Variants in CCSER1 observed in about 807,000 individuals in gnomAD.
The protein encoded by CCSER1 is serine-rich coiled-coil domain-containing protein 1.
In CCSER1, 41 loss-of-function variants were observed where a neutral mutation model predicts 82.0. That is an observed-to-expected ratio of 0.50 (90% CI 0.39 to 0.65). The LOEUF (loss-of-function observed/expected upper bound fraction) is 0.65. CCSER1 is among the 30% of genes least tolerant of loss of function. The probability of loss-of-function intolerance (pLI) is 0.00; values close to 1 mark genes in which losing one functional copy is unlikely to be tolerated. For synonymous variants in CCSER1, 414 were observed against 383.9 expected (o/e 1.08, Z -0.92); for missense variants, 1,119 against 1,064.2 (o/e 1.05, Z -0.72).
chr4:91,270,858 T>G (rs770076030), intron 10 of CCSER1, among the ~76,000 whole-genome samples: 3 of 152,164 alleles, frequency 2.0e-5, no homozygotes, highest in Admixed American at 6.5e-5. Context: ...GCATTTTAAA[T>G]AAGTACATGG....
intron 10 of CCSER1, among the ~76,000 whole-genome samples, chr4:91,256,990 A>G (rs1740742250): frequency 6.6e-6 from 1 of 152,114 alleles, no homozygotes; most frequent in African/African-American, 2.4e-5. Flanking sequence ...AAAGCCTAGA[A>G]ATTATTCTGT....
chr4:91,003,465 C>T lies in CCSER1; in HGVS notation c.2172+80018C>T, dbSNP rs1581309773. Reference sequence around the variant, plus strand: ...AATTATGTTCCTAGGAGGATTATGCCTGCCTCTACTGTGTCATGAAGGTTG... The same window carrying T: ...AATTATGTTCCTAGGAGGATTATGCTTGCCTCTACTGTGTCATGAAGGTTG... On this transcript the variant is annotated intron_variant, in intron 9 of 10. Coordinates refer to ENST00000509176, the MANE Select transcript of CCSER1 (RefSeq NM_001145065.2). Among the ~76,000 whole-genome samples, 3 of 152,194 alleles carry T rather than the reference C, an allele frequency of 2.0e-5. No individual in the cohort carries two copies. In the South Asian group the frequency reaches 6.2e-4, roughly 32 times the overall value.
chr4:91,325,469 G>A (rs1225947727), intron 10 of CCSER1, among the ~76,000 whole-genome samples: 1 of 152,108 alleles, frequency 6.6e-6, no homozygotes, highest in Non-Finnish European at 1.5e-5. Context: ...AGAAGGAAGG[G>A]AGAATGGGTA....
intron 5 of CCSER1, among the ~76,000 whole-genome samples, chr4:90,494,042 T>A (rs1228540087): frequency 6.6e-6 from 1 of 152,088 alleles, no homozygotes; most frequent in African/African-American, 2.4e-5. Context: ...GAGACACACA[T>A]AGGCTCAAAA....
intron 3 of CCSER1, among the ~76,000 whole-genome samples, chr4:90,326,268 G>A (rs890872018): frequency 5.9e-5 from 9 of 151,918 alleles, no homozygotes; most frequent in South Asian, 4.1e-4. Flanking sequence ...CACTGTGTTA[G>A]CCAAGGTGGT....
At chr4:90,375,981 G>A (rs746474857) in intron 3 of CCSER1, among the ~76,000 whole-genome samples, 16 of 152,194 alleles carry the variant, frequency 1.1e-4, no homozygotes, top group Non-Finnish European at 1.8e-4. Context: ...AGGAAAAACA[G>A]TTGTAAAAAC....
chr4:91,229,882 C>T (rs1439196934), intron 10 of CCSER1, among the ~76,000 whole-genome samples: 3 of 151,992 alleles, frequency 2.0e-5, no homozygotes, highest in Non-Finnish European at 4.4e-5. Flanking sequence ...ATACCTAATG[C>T]ACACAGGGCT....
chr4:91,526,846 G>A lies in CCSER1; in HGVS notation c.2218-71726G>A, dbSNP rs187016327. Among the ~76,000 whole-genome samples, 224 of 152,066 alleles carry A rather than the reference G, an allele frequency of 1.5e-3. 1 individual carries two copies. Among genetic ancestry groups the A allele is most frequent in the African/African-American group, 4.9e-3 (204 of 41,452 alleles). On this transcript the variant is annotated intron_variant, in intron 10 of 10. Transcript: ENST00000509176. ...GATGTCAGGTGATCCACCTGCCTTCGCCTCCCAAAGTGCTGAGATTATAGG... is the reference window on the plus strand; with the variant it reads ...GATGTCAGGTGATCCACCTGCCTTCACCTCCCAAAGTGCTGAGATTATAGG...
intron 4 of CCSER1, among the ~76,000 whole-genome samples, chr4:90,429,241 G>A (rs1230504313): frequency 6.6e-6 from 1 of 151,716 alleles, no homozygotes; most frequent in Non-Finnish European, 1.5e-5. Flanking sequence ...CAAATGTGAA[G>A]TATTGATGAA....
chr4:90,855,019 G>A (rs1170205129), intron 8 of CCSER1, among the ~76,000 whole-genome samples: 5 of 151,936 alleles, frequency 3.3e-5, no homozygotes, highest in South Asian at 2.1e-4. Flanking sequence ...GAGCAAAGGG[G>A]GAAGTGCTAC....
intron 10 of CCSER1, among the ~76,000 whole-genome samples, chr4:91,175,942 G>A (rs9992156): frequency 0.71 from 108,189 of 152,114 alleles, 38,940 homozygotes; most frequent in Non-Finnish European, 0.78. Flanking sequence ...TTACTTCTGG[G>A]GTTTTTATGG....
At chr4:90,234,851 A>G (rs1745468232) in intron 1 of CCSER1, among the ~76,000 whole-genome samples, 1 of 152,164 alleles carries the variant, frequency 6.6e-6, no homozygotes, top group Non-Finnish European at 1.5e-5. Context: ...GGCAGTCCTT[A>G]GTTTTAACCC....
chr4:90,606,537 C>T (rs1391480818), intron 5 of CCSER1, among the ~76,000 whole-genome samples: 1 of 152,162 alleles, frequency 6.6e-6, no homozygotes, highest in Non-Finnish European at 1.5e-5. Flanking sequence ...CAGTCCCACA[C>T]TTGACGTGAT....
At chr4:90,747,593 G>A (rs984799966) in intron 7 of CCSER1, among the ~76,000 whole-genome samples, 1 of 151,618 alleles carries the variant, frequency 6.6e-6, no homozygotes, top group Non-Finnish European at 1.5e-5. Flanking sequence ...TCTCTTTCTC[G>A]GTTTTGCCTG....
At chr4:91,362,470 C>CT (rs1272512330) in intron 10 of CCSER1, among the ~76,000 whole-genome samples, 1 of 151,800 alleles carries the variant, frequency 6.6e-6, no homozygotes, top group Non-Finnish European at 1.5e-5. Flanking sequence ...AGCCACCTTA[C>CT]TAGTTTATAT....
Position 91,168,175 on chromosome 4 carries a change from C to T in CCSER1, c.2217+82181C>T, listed in dbSNP as rs558623530. Among the ~76,000 whole-genome samples the T allele has an allele frequency of 6.8e-3, 951 of 139,772 alleles. 13 individuals are homozygous for T. The highest frequency in any genetic ancestry group is 0.024 in the African/African-American group (890 of 37,200). The allele number at this position is 139,772 out of a possible 152,430, so 91.7% of individuals were successfully genotyped here. ...GAATTGAGGAGCGCCTCTGCCCGGC[C>T]GCCCATCGTCTGGGAAGTGAGTAGC... On this transcript the variant is annotated intron_variant, in intron 10 of 10. Coordinates refer to ENST00000509176, the MANE Select transcript of CCSER1 (RefSeq NM_001145065.2).
chr4:90,508,352 G>A (rs1035886941), intron 5 of CCSER1, among the ~76,000 whole-genome samples: 6 of 151,870 alleles, frequency 4.0e-5, no homozygotes, highest in African/African-American at 1.5e-4. Flanking sequence ...TAAAATTAAA[G>A]TTGTCCTTTT....
At chr4:91,280,672 C>T (rs576626810) in intron 10 of CCSER1, among the ~76,000 whole-genome samples, 57 of 152,252 alleles carry the variant, frequency 3.7e-4, no homozygotes, top group Non-Finnish European at 7.4e-4. Context: ...GTGAGAGCAT[C>T]GGCCACAGGT....
chr4:90,901,230 T>G (rs145656848), intron 8 of CCSER1, among the ~76,000 whole-genome samples: 196 of 151,128 alleles, frequency 1.3e-3, no homozygotes, highest in Middle Eastern at 6.8e-3. Context: ...TGGGTCTCTC[T>G]TTTTTTTTAA....
Sources: allele counts gnomAD v4.1 joint callset (sites outside exome capture counted in the v4.1 genomes callset), GRCh38; gene constraint gnomAD v4.1.1; transcripts MANE v1.5; gene names NCBI Gene and HGNC (gene_info 2026-07-23, HGNC 2026-07-21).